The following KIF21A variants were observed in gnomAD, a reference collection of about 807,000 sequenced individuals.
KIF21A encodes kinesin family member 21A.
Under a neutral mutation model 202.9 loss-of-function variants are expected in KIF21A, and 114 were observed. That is an observed-to-expected ratio of 0.56 (90% CI 0.48 to 0.66). KIF21A has a LOEUF of 0.66. Ranked by LOEUF, KIF21A falls within the 30% of genes least tolerant of loss-of-function variation. The pLI is 0.00. For synonymous variants in KIF21A, 667 were observed against 670.8 expected, an observed-to-expected ratio of 0.99 and a Z score of 0.09; for missense variants, 1,677 against 1,994.9, an observed-to-expected ratio of 0.84 and a Z score of 3.04.
At chr12:39,352,057 C>G (rs1234425243) in intron 10 of KIF21A, 77 bp from the exon 11 acceptor site, 5 of 1,033,914 alleles carry the variant, frequency 4.8e-6, no homozygotes, top group East Asian at 4.8e-5. Flanking sequence ...GTGTACCACA[C>G]TACCATTTCT....
At chr12:39,441,680 A>AAAAAACAAAAAAAAC (rs71075060) in intron 1 of KIF21A, among the ~76,000 whole-genome samples, 1 of 148,178 alleles carries the variant, frequency 6.7e-6, no homozygotes, top group Non-Finnish European at 1.5e-5. Flanking sequence ...AAAAAAAAAA[A>AAAAAACAAAAAAAAC]CACTTAAAAA....
At chr12:39,309,217 G>A (rs1451625202) in intron 33 of KIF21A, among the ~76,000 whole-genome samples, 1 of 152,060 alleles carries the variant, frequency 6.6e-6, no homozygotes, top group Non-Finnish European at 1.5e-5. Context: ...GGTGATTTCA[G>A]CCATTTCCCA....
At chr12:39,328,800 C>T (rs189464393) in intron 24 of KIF21A, among the ~76,000 whole-genome samples, 119 of 152,260 alleles carry the variant, frequency 7.8e-4, no homozygotes, top group African/African-American at 2.8e-3. Context: ...CCCAATTCAA[C>T]CTTGTCTTTT....
intron 1 of KIF21A, among the ~76,000 whole-genome samples, chr12:39,389,359 C>T (rs957350312): frequency 6.6e-6 from 1 of 152,106 alleles, no homozygotes; most frequent in Admixed American, 6.6e-5. Context: ...ATTTAAGAGT[C>T]TGAAATCAAT....
At position 39,331,752 on chromosome 12, in the gene KIF21A, C is replaced by T; in HGVS notation, c.3091G>A (p.Ala1031Thr). The change falls in exon 22 of 38, where the codon GCC (alanine) becomes ACC (threonine). Residue 1031 changes from alanine to threonine, a missense_variant. Physicochemically the swap from Ala to Thr is moderately conservative, Grantham distance 58. Transcript: ENST00000361418. Reference sequence around the variant, plus strand: ...TATCGGGCTTCTGTAAGGGTGCAGGCATTAATGACTGCAGTAACATCCAAT... The same window carrying T: ...TATCGGGCTTCTGTAAGGGTGCAGGTATTAATGACTGCAGTAACATCCAAT... ...ETLDVTAVIN[A>T]CTLTEARYLL... The T allele has an allele frequency of 1.2e-6, 2 of 1,613,564 alleles. No individual in the cohort carries two copies. Among genetic ancestry groups the T allele is most frequent in the Non-Finnish European group, 1.7e-6 (2 of 1,179,608 alleles).
chr12:39,319,927 G>T lies in KIF21A; in HGVS notation c.3758C>A (p.Ser1253Ter). 2 of 1,605,590 alleles carry T rather than the reference G, an allele frequency of 1.2e-6. No individual in the cohort carries two copies. The highest frequency in any genetic ancestry group is 1.1e-5 in the South Asian group (1 of 90,186). Reference protein sequence around the residue: ...RRKAYEKAEKSKAKEQKHSDS... With the variant: ...RRKAYEKAEK ...TTACTGCTTTTGTTCCTTGGCCTTTGATTTTTCTGCTTTCTCATATGCCTT... is the reference window on the plus strand; with the variant it reads ...TTACTGCTTTTGTTCCTTGGCCTTTTATTTTTCTGCTTTCTCATATGCCTT... Residue 1253 changes from serine to a stop codon, truncating the protein, a stop_gained, in exon 28 of 38, where the codon TCA (serine) becomes TAA (stop). Coordinates refer to ENST00000361418, the MANE Select transcript of KIF21A (RefSeq NM_001173464.2). LOFTEE classifies it high-confidence loss of function.
At chr12:39,372,295 A>AT (rs1488127988) in intron 1 of KIF21A, among the ~76,000 whole-genome samples, 1 of 152,156 alleles carries the variant, frequency 6.6e-6, no homozygotes, top group African/African-American at 2.4e-5. Context: ...ATATGCAACT[A>AT]TTTTTTCTCC....
chr12:39,421,742 T>C (rs183385931), intron 1 of KIF21A, among the ~76,000 whole-genome samples: 4,556 of 142,996 alleles, frequency 0.032, 178 homozygotes, highest in African/African-American at 0.094. Flanking sequence ...TATATATATA[T>C]ACACATACAC....
chr12:39,298,745 TTGACA>T (rs1209413634), intron 37 of KIF21A, among the ~76,000 whole-genome samples: 1 of 152,078 alleles, frequency 6.6e-6, no homozygotes, highest in Non-Finnish European at 1.5e-5. Context: ...AAAATATTAC[TTGACA>T]TGAAAAGCAG....
At chr12:39,416,711 GTGTGTATATATGTACATATATA>G (rs1566267441) in intron 1 of KIF21A, among the ~76,000 whole-genome samples, 910 of 86,112 alleles carry the variant, frequency 0.011, 8 homozygotes, top group East Asian at 0.035. Context: ...ACATATATAT[GTGTGTATATATGTACATATATA>G]TGTGTATATA....
chr12:39,306,437 T>C (rs1405463092), intron 34 of KIF21A, among the ~76,000 whole-genome samples: 1 of 152,236 alleles, frequency 6.6e-6, no homozygotes. Flanking sequence ...TTTAATTTTC[T>C]ACATTTTATT....
chr12:39,390,202 C>CA (rs1235075031), intron 1 of KIF21A, among the ~76,000 whole-genome samples: 1 of 151,994 alleles, frequency 6.6e-6, no homozygotes, highest in Non-Finnish European at 1.5e-5. Context: ...ACAACAACAA[C>CA]AAAAAAACAC....
intron 1 of KIF21A, among the ~76,000 whole-genome samples, chr12:39,437,216 C>T (rs545454567): frequency 6.6e-6 from 1 of 152,258 alleles, no homozygotes; most frequent in East Asian, 1.9e-4. Context: ...ATTTCTAGTG[C>T]ATCATTCACT....
rs753262148 is a variant in KIF21A at position 39,311,514 on chromosome 12, T to G, written c.3999A>C (p.Arg1333Ser). 2.5e-6 allele frequency: 4 copies of G among 1,613,182 alleles called. No homozygotes were observed. The highest frequency in any genetic ancestry group is 1.7e-4 in the Middle Eastern group (1 of 6,056). Reference protein sequence around the residue: ...INPFPASKGIRAFPLQCIHIA... With the variant: ...INPFPASKGISAFPLQCIHIA... ...TGTGAATACACTGAAGTGGAAAAGCTCTGATTCCTTTTGAAGCAGGAAATG... is the reference window on the plus strand; with the variant it reads ...TGTGAATACACTGAAGTGGAAAAGCGCTGATTCCTTTTGAAGCAGGAAATG... Residue 1333 changes from arginine to serine, a missense_variant, in exon 32 of 38, where the codon AGA (arginine) becomes AGC (serine). This residue lies in a region of KIF21A where 705 missense variants were observed against 791.9 expected (regional missense o/e 0.89). Coordinates refer to ENST00000361418, the MANE Select transcript of KIF21A (RefSeq NM_001173464.2).
chr12:39,326,433 C>T (rs954300298), intron 24 of KIF21A, 109 bp from the exon 25 acceptor site: 150 of 753,678 alleles, frequency 2.0e-4, no homozygotes, highest in Admixed American at 5.5e-4. Context: ...AATATGGGCA[C>T]GATGGTTTTA....
chr12:39,300,105 A>AG (rs1476550695), intron 37 of KIF21A, among the ~76,000 whole-genome samples: 1 of 152,156 alleles, frequency 6.6e-6, no homozygotes, highest in Non-Finnish European at 1.5e-5. Flanking sequence ...AACCTAAAAT[A>AG]AAAGTAAAAA....
intron 1 of KIF21A, among the ~76,000 whole-genome samples, chr12:39,395,951 C>T (rs1471295295): frequency 6.6e-6 from 1 of 151,738 alleles, no homozygotes; most frequent in Non-Finnish European, 1.5e-5. Flanking sequence ...TCCAGCAATA[C>T]ATGCTTATCT....
intron 1 of KIF21A, among the ~76,000 whole-genome samples, chr12:39,423,653 A>C (rs1358486789): frequency 6.6e-6 from 1 of 151,942 alleles, no homozygotes; most frequent in Non-Finnish European, 1.5e-5. Flanking sequence ...GTTTGAGACC[A>C]GCCTGACCAA....
At chr12:39,303,977 T>G (rs1396955990) in intron 35 of KIF21A, among the ~76,000 whole-genome samples, 1 of 152,214 alleles carries the variant, frequency 6.6e-6, no homozygotes, top group East Asian at 1.9e-4. Flanking sequence ...GTATACTTAC[T>G]TATTTTCAAT....
Sources: gnomAD v4.1 joint callset for allele counts (sites outside exome capture counted in the v4.1 genomes callset) on GRCh38, gnomAD v4.1.1 for gene constraint, gnomAD v4.1.1 regional missense constraint, MANE v1.5 for transcripts, NCBI Gene and HGNC (gene_info 2026-07-23, HGNC 2026-07-21) for gene names.